BICD1: variants seen among roughly 807,000 people sequenced by gnomAD.
BICD1 encodes the protein BICD cargo adaptor 1, also known as protein bicaudal D homolog 1.
In BICD1, 35 loss-of-function variants were observed where a neutral mutation model predicts 92.5. The observed-to-expected ratio is 0.38, with a 90% CI of 0.29 to 0.50. The LOEUF (loss-of-function observed/expected upper bound fraction) is 0.50, where lower values mean the gene tolerates loss of function less well. Among genes scored for constraint, BICD1 ranks in the 20% least tolerant of loss-of-function variants. The probability of loss-of-function intolerance (pLI) is 0.93; values close to 1 mark genes in which losing one functional copy is unlikely to be tolerated. For synonymous variants in BICD1, 429 were observed against 465.1 expected (o/e 0.92, Z 1.00); for missense variants, 950 against 1,189.8 (o/e 0.80, Z 2.97).
intron 2 of BICD1, among the ~76,000 whole-genome samples, chr12:32,220,308 T>C (rs1011702809): frequency 0.011 from 1,694 of 151,170 alleles, 33 homozygotes; most frequent in African/African-American, 0.039. Context: ...GAACAGGCAA[T>C]CTACAAAATG....
rs534541388 is a variant in BICD1 at position 32,337,427 on chromosome 12, A to G, written c.2253-72A>G. 7.0e-7 allele frequency: 1 copy of G among 1,424,012 alleles called. No homozygotes were observed. The highest frequency in any genetic ancestry group is 9.6e-7 in the Non-Finnish European group (1 of 1,040,862). The allele number at this position is 1,424,012 out of a possible 1,614,324, so 88.2% of individuals were successfully genotyped here. On this transcript the variant is annotated intron_variant, in intron 6 of 9. Coordinates refer to ENST00000652176, the MANE Select transcript of BICD1 (RefSeq NM_001714.4). The surrounding 1 kb of genome is among the most constrained non-coding windows in gnomAD (Gnocchi z 4.7). ...TTTCTAAATTTCGGTCAAATTTATT[A>G]CTTTTCAGCTTAACTCCCAAATTCA...
At chr12:32,250,498 T>C (rs1946497529) in intron 2 of BICD1, among the ~76,000 whole-genome samples, 1 of 152,204 alleles carries the variant, frequency 6.6e-6, no homozygotes, top group Non-Finnish European at 1.5e-5. Context: ...TCCAGTTAAT[T>C]GAAAGAGGTA....
At chr12:32,363,793 A>G (rs545284352) in intron 8 of BICD1, among the ~76,000 whole-genome samples, 5 of 152,322 alleles carry the variant, frequency 3.3e-5, no homozygotes, top group Admixed American at 3.3e-4. Flanking sequence ...CTGCAAGTTC[A>G]GCTCAGCCCT....
At chr12:32,259,752 T>C (rs975269542) in intron 2 of BICD1, among the ~76,000 whole-genome samples, 7 of 152,096 alleles carry the variant, frequency 4.6e-5, no homozygotes, top group Non-Finnish European at 8.8e-5. Flanking sequence ...AGTGAGTGGA[T>C]TATATAATCT....
chr12:32,249,821 G>C (rs1329821690), intron 2 of BICD1, among the ~76,000 whole-genome samples: 1 of 151,726 alleles, frequency 6.6e-6, no homozygotes, highest in Non-Finnish European at 1.5e-5. Flanking sequence ...CCAACAATTT[G>C]CAAGTGATTT....
rs369388238 is a variant in BICD1 at position 32,224,891 on chromosome 12, G to A, written c.426+8432G>A. Among the ~76,000 whole-genome samples the A allele has an allele frequency of 9.2e-5, 14 of 152,192 alleles. 1 individual carries two copies. The highest frequency in any genetic ancestry group is 6.2e-4 in the South Asian group (3 of 4,812). ...TAAATTTTGTATTTTTAATAGAGAC[G>A]GGGTTTCACTATGTTGGCCAGGCTG... On this transcript the variant is annotated intron_variant, in intron 2 of 9. Coordinates refer to ENST00000652176, the MANE Select transcript of BICD1 (RefSeq NM_001714.4).
chr12:32,291,093 AT>A (rs1947714477), intron 2 of BICD1, among the ~76,000 whole-genome samples: 1 of 152,208 alleles, frequency 6.6e-6, no homozygotes, highest in African/African-American at 2.4e-5. Flanking sequence ...TTATGTGTTT[AT>A]AATTTGTTGT....
chr12:32,200,345 G>A (rs747293943), intron 1 of BICD1, among the ~76,000 whole-genome samples: 10 of 152,174 alleles, frequency 6.6e-5, no homozygotes, highest in African/African-American at 1.2e-4. Context: ...CACCATAGCC[G>A]ACCAGGACAG....
intron 1 of BICD1, among the ~76,000 whole-genome samples, chr12:32,215,669 G>T (rs1248436388): frequency 6.6e-6 from 1 of 152,030 alleles, no homozygotes; most frequent in Non-Finnish European, 1.5e-5. Flanking sequence ...GAGAACATAT[G>T]CCAGGCGCGG....
chr12:32,125,877 A>G lies in BICD1; in HGVS notation c.213+18333A>G, dbSNP rs559773449. Among the ~76,000 whole-genome samples the G allele has an allele frequency of 2.4e-3, 121 of 51,184 alleles. 5 individuals carry two copies. The East Asian group carries it at 0.038, about 16-fold the overall frequency. 33.6% of individuals were successfully genotyped at this position (51,184 alleles called of 152,430 possible). ...GGCAACATGGCAAGACCCCGTCTCT[A>G]AAAAAAAAAAAAAATGCCAAAATTA... On this transcript the variant is annotated intron_variant, in intron 1 of 9. Coordinates refer to ENST00000652176, the MANE Select transcript of BICD1 (RefSeq NM_001714.4).
intron 1 of BICD1, among the ~76,000 whole-genome samples, chr12:32,116,492 T>TCTTTC (rs1565524980): frequency 5.7e-5 from 7 of 122,992 alleles, no homozygotes; most frequent in Admixed American, 1.7e-4. Context: ...CTCTCTCTCT[T>TCTTTC]TCTCTCTCTC....
rs1944769848 is a variant in BICD1, at chr12:32,197,889, A to G, written c.214-18358A>G. 3.5e-5 allele frequency among the ~76,000 whole-genome samples: 5 copies of G among 142,980 alleles called. No individual in the cohort carries two copies. In the South Asian group the frequency reaches 1.2e-3, roughly 34 times the overall value. The allele number at this position is 142,980 out of a possible 152,430, so 93.8% of individuals were successfully genotyped here. ...AGTGACTCTCCAGCACAAAGCTTTG[A>G]GTATCAAGCATGCATATAGTAAAAA... On this transcript the variant is annotated intron_variant, in intron 1 of 9. Transcript: ENST00000652176.
At chr12:32,312,100 G>C (rs1948396842) in intron 4 of BICD1, among the ~76,000 whole-genome samples, 1 of 152,116 alleles carries the variant, frequency 6.6e-6, no homozygotes, top group South Asian at 2.1e-4. Context: ...CAGGAATGTT[G>C]AGTGAATTGT....
chr12:32,339,063 C>A, intron 8 of BICD1, 84 bp downstream of exon 8: 1 of 1,436,846 alleles, frequency 7.0e-7, no homozygotes, highest in African/African-American at 1.5e-5. Flanking sequence ...TCAGGCTCAC[C>A]CAGCTGCAGA....
chr12:32,304,144 A>G (rs1433224760), intron 3 of BICD1, among the ~76,000 whole-genome samples: 1 of 152,182 alleles, frequency 6.6e-6, no homozygotes. Flanking sequence ...TACATCAGCC[A>G]GGCTACATCC....
intron 1 of BICD1, among the ~76,000 whole-genome samples, chr12:32,116,102 A>G (rs1046967670): frequency 1.5e-4 from 23 of 152,036 alleles, no homozygotes; most frequent in Non-Finnish European, 1.9e-4. Context: ...GGAAATTGAT[A>G]CCTTTTCCTC....
At chr12:32,179,921 CAA>C (rs1476198827) in intron 1 of BICD1, among the ~76,000 whole-genome samples, 4 of 137,518 alleles carry the variant, frequency 2.9e-5, no homozygotes, top group Non-Finnish European at 4.6e-5. Context: ...ACCCAGGAGG[CAA>C]AGATTGCAGT....
chr12:32,324,645 G>A (rs1948734841), intron 4 of BICD1, among the ~76,000 whole-genome samples: 1 of 151,818 alleles, frequency 6.6e-6, no homozygotes. Flanking sequence ...GCACAATCTC[G>A]GCTCGTTGCA....
Position 32,328,331 on chromosome 12 carries a change from T to C in BICD1, c.1876T>C (p.Tyr626His). 1.9e-6 allele frequency: 3 copies of C among 1,614,226 alleles called. No individual in the cohort carries two copies. The highest frequency in any genetic ancestry group is 2.5e-6 in the Non-Finnish European group (3 of 1,180,050). ...CATCCGCAAAGAGCCAATGAATATC[T>C]ACAACCTTAATGCCATAATCCGGGA... The part of the protein sequence containing the change: ...SDIRKEPMNI[Y>H]NLNAIIRDQI... The change falls in exon 5 of 10, where the codon TAC (tyrosine) becomes CAC (histidine). Residue 626 changes from tyrosine (Y) to histidine (H), a missense_variant. Physicochemically the swap from Tyr to His is moderately conservative, Grantham distance 83. Coordinates refer to ENST00000652176, the MANE Select transcript of BICD1 (RefSeq NM_001714.4). This position sits in a 1 kb window ranked among gnomAD's most constrained non-coding sequence, Gnocchi z 4.4.
Sources: gnomAD v4.1 joint callset for allele counts (sites outside exome capture counted in the v4.1 genomes callset) on GRCh38, gnomAD v4.1.1 for gene constraint, Gnocchi (gnomAD v3.1) non-coding constraint, MANE v1.5 for transcripts, NCBI Gene and HGNC (gene_info 2026-07-23, HGNC 2026-07-21) for gene names.